SORCS1: variants seen among roughly 807,000 people sequenced by gnomAD.
SORCS1 encodes the protein VPS10 domain-containing receptor SorCS1.
SORCS1 carries 60 observed loss-of-function variants against 146.1 expected under a neutral mutation model. The observed-to-expected ratio is 0.41, with a 90% CI of 0.33 to 0.51. The LOEUF is 0.51. Ranked by LOEUF, SORCS1 falls within the 20% of genes least tolerant of loss-of-function variation. The pLI, the probability that SORCS1 is intolerant of heterozygous loss-of-function variation, is 0.21. For synonymous variants in SORCS1, 637 were observed against 584.0 expected (o/e 1.09, Z -1.31); for missense variants, 1,352 against 1,487.6 (o/e 0.91, Z 1.50).
chr10:106,574,241 G>T lies in SORCS1; in HGVS notation c.*3179C>A, dbSNP rs2133166196. 1 of 152,686 alleles carries T rather than the reference G, an allele frequency of 6.5e-6. No homozygotes were observed. Among genetic ancestry groups the T allele is most frequent in the South Asian group, 2.1e-4 (1 of 4,818 alleles). The allele number at this position is 152,686 out of a possible 1,614,324, so 9.5% of individuals were successfully genotyped here. ...GACAGTGAATCCAATTAAAAATAAGGCAAGGTAGAAAGTGTTGCTTGGGTG... is the reference window on the plus strand; with the variant it reads ...GACAGTGAATCCAATTAAAAATAAGTCAAGGTAGAAAGTGTTGCTTGGGTG... On this transcript the variant is annotated 3_prime_UTR_variant, in exon 26 of 26. Coordinates refer to ENST00000263054, the MANE Select transcript of SORCS1 (RefSeq NM_052918.5).
At chr10:107,179,904 C>CTTTTTT in the SORCS1 span, among the ~76,000 whole-genome samples, 78 of 51,284 alleles carry the variant, frequency 1.5e-3, 20 homozygotes, top group African/African-American at 4.3e-3. Context: ...ACAAAACAGA[C>CTTTTTT]TTTTTTTTTT....
intron 1 of SORCS1, among the ~76,000 whole-genome samples, chr10:106,976,399 T>C (rs1362481354): frequency 1.4e-5 from 2 of 147,330 alleles, no homozygotes; most frequent in Non-Finnish European, 3.0e-5. Context: ...CTGCGCGATT[T>C]CGGCTCACTG....
intron 2 of SORCS1, among the ~76,000 whole-genome samples, chr10:106,944,249 G>T (rs571350122): frequency 6.6e-6 from 1 of 152,250 alleles, no homozygotes; most frequent in South Asian, 2.1e-4. Context: ...AGATGCATTA[G>T]TTCCTCTGGG....
chr10:106,647,487 T>C (rs561044667), intron 18 of SORCS1, among the ~76,000 whole-genome samples: 23 of 152,196 alleles, frequency 1.5e-4, no homozygotes, highest in African/African-American at 5.1e-4. Flanking sequence ...GAAAATATCA[T>C]GTGTTTGAAA....
chr10:107,119,399 G>T (rs1362741715), intron 1 of SORCS1, among the ~76,000 whole-genome samples: 1 of 152,208 alleles, frequency 6.6e-6, no homozygotes, highest in Non-Finnish European at 1.5e-5. Flanking sequence ...TATAAGGGTT[G>T]CATTTCAAGA....
chr10:107,042,632 A>G (rs1025785134), intron 1 of SORCS1, among the ~76,000 whole-genome samples: 1 of 148,786 alleles, frequency 6.7e-6, no homozygotes, highest in African/African-American at 2.5e-5. Context: ...TTTTTGAGAC[A>G]GAGTTTCACT....
chr10:106,845,281 G>T (rs967969800), intron 2 of SORCS1, among the ~76,000 whole-genome samples: 9 of 89,662 alleles, frequency 1.0e-4, no homozygotes, highest in Non-Finnish European at 1.9e-4. Context: ...ATTCTAACTG[G>T]TGTGAGATGA....
chr10:106,711,571 C>G (rs1293040962), intron 6 of SORCS1, among the ~76,000 whole-genome samples: 1 of 152,210 alleles, frequency 6.6e-6, no homozygotes, highest in Non-Finnish European at 1.5e-5. Flanking sequence ...CTGATAACCT[C>G]TCAGTAGACA....
At chr10:106,822,213 G>C (rs555199582) in intron 3 of SORCS1, among the ~76,000 whole-genome samples, 1 of 152,224 alleles carries the variant, frequency 6.6e-6, no homozygotes, top group East Asian at 1.9e-4. Flanking sequence ...TAAGAGTGTA[G>C]TTTTATTAGC....
intron 6 of SORCS1, among the ~76,000 whole-genome samples, chr10:106,715,519 G>T (rs1342619959): frequency 1.3e-5 from 2 of 152,186 alleles, no homozygotes; most frequent in Non-Finnish European, 2.9e-5. Flanking sequence ...ATCACTCCAC[G>T]TCTCCAAACG....
At chr10:106,601,048 C>A (rs1846209889) in intron 23 of SORCS1, among the ~76,000 whole-genome samples, 1 of 152,196 alleles carries the variant, frequency 6.6e-6, no homozygotes, top group South Asian at 2.1e-4. Context: ...AGAGGGGCCA[C>A]TTTCTGTTCA....
intron 1 of SORCS1, among the ~76,000 whole-genome samples, chr10:107,127,448 C>T (rs186118999): frequency 1.3e-3 from 202 of 152,174 alleles, no homozygotes; most frequent in African/African-American, 4.4e-3. Flanking sequence ...ATTGGCATGT[C>T]TTTCTGTTCA....
chr10:106,972,448 G>T (rs567637386), intron 1 of SORCS1, among the ~76,000 whole-genome samples: 2 of 148,770 alleles, frequency 1.3e-5, no homozygotes, highest in Middle Eastern at 3.5e-3. Context: ...CTTTATTTTT[G>T]ATTTGTGTCA....
chr10:106,914,805 G>A (rs1952333901), intron 2 of SORCS1, among the ~76,000 whole-genome samples: 1 of 152,116 alleles, frequency 6.6e-6, no homozygotes, highest in Non-Finnish European at 1.5e-5. Flanking sequence ...TTATGGCGGT[G>A]GAAGTGGTGC....
intron 3 of SORCS1, among the ~76,000 whole-genome samples, chr10:106,823,603 A>T (rs1948159275): frequency 6.6e-6 from 1 of 152,232 alleles, no homozygotes; most frequent in African/African-American, 2.4e-5. Context: ...TAACTGATTA[A>T]GGCACTTTAT....
intron 2 of SORCS1, among the ~76,000 whole-genome samples, chr10:106,850,773 T>A (rs939750506): frequency 2.6e-5 from 4 of 152,336 alleles, no homozygotes; most frequent in Admixed American, 1.3e-4. Context: ...TTCATTTGGA[T>A]GCCTCATGGG....
In SORCS1 at chr10:106,981,883, T is replaced by C. The variant is rs141577839; in HGVS notation, c.559-25303A>G. On this transcript the variant is annotated intron_variant, in intron 1 of 25. Coordinates refer to ENST00000263054, the MANE Select transcript of SORCS1 (RefSeq NM_052918.5). ...TCCTGGTGTCTATTAGGGTTTGAAG[T>C]CTTCATGGATCTCCTAAGAGAAGCC... Among the ~76,000 whole-genome samples the C allele has an allele frequency of 5.5e-3, 834 of 152,328 alleles. 5 individuals carry two copies. The highest frequency in any genetic ancestry group is 0.034 in the Middle Eastern group (10 of 294).
At chr10:106,768,887 A>G (rs965961755) in intron 4 of SORCS1, among the ~76,000 whole-genome samples, 2 of 152,174 alleles carry the variant, frequency 1.3e-5, no homozygotes, top group Non-Finnish European at 2.9e-5. Flanking sequence ...TTATCTCAGT[A>G]TCATCAAATA....
intron 6 of SORCS1, among the ~76,000 whole-genome samples, chr10:106,714,767 C>T (rs1307588748): frequency 2.0e-5 from 3 of 152,106 alleles, no homozygotes; most frequent in Non-Finnish European, 4.4e-5. Context: ...CTTCTACAGC[C>T]GGGCAAGTAG....
Sources: gnomAD v4.1 joint callset for allele counts (sites outside exome capture counted in the v4.1 genomes callset) on GRCh38, gnomAD v4.1.1 for gene constraint, MANE v1.5 for transcripts, NCBI Gene and HGNC (gene_info 2026-07-23, HGNC 2026-07-21) for gene names.